CEP131: variants seen among roughly 807,000 people sequenced by gnomAD.
CEP131 encodes the protein centrosomal protein of 131 kDa.
A neutral mutation model predicts 136.8 loss-of-function variants in CEP131; 99 were observed. The ratio of observed to expected loss-of-function variants is 0.72; its 90% CI spans 0.62 to 0.86. CEP131 has a LOEUF of 0.86. Ranked by LOEUF, CEP131 falls within the 40% of genes least tolerant of loss-of-function variation. The pLI, the probability that CEP131 is intolerant of heterozygous loss-of-function variation, is 0.00. For missense variants in CEP131, 1,459 were observed against 1,463.0 expected, an observed-to-expected ratio of 1.00 and a Z score of 0.04; for synonymous variants, 646 against 612.7, an observed-to-expected ratio of 1.05 and a Z score of -0.80.
rs2062344079 is a variant in CEP131 at position 81,219,802 on chromosome 17, G to A, written c.177+78C>T. The stretch of plus-strand genomic sequence containing the variant: ...GAGGCACTTGTTCACCTGTGGAGCT[G>A]GACCCAGGGGTCAGATGCCAACTGA... On this transcript the variant is annotated intron_variant, in intron 2 of 25. Transcript: ENST00000450824. This position sits in a 1 kb window ranked among gnomAD's most constrained non-coding sequence, Gnocchi z 4.0. The A allele has an allele frequency of 2.1e-6, 3 of 1,403,574 alleles. No individual in the cohort carries two copies. The highest frequency in any genetic ancestry group is 2.8e-6 in the Non-Finnish European group (3 of 1,053,166). The allele number at this position is 1,403,574 out of a possible 1,614,324, so 86.9% of individuals were successfully genotyped here. A position where few individuals can be genotyped will look rare whatever the true frequency, so the allele number is the denominator to read the frequency against.
In CEP131 at chr17:81,215,069, G is replaced by A. The variant is rs1198144738; in HGVS notation, c.177+4811C>T. On this transcript the variant is annotated intron_variant, in intron 2 of 25. Transcript: ENST00000450824. The surrounding 1 kb of genome is among the most constrained non-coding windows in gnomAD (Gnocchi z 4.1). ...TGGGATTACAGGCATGAGCCACCGC[G>A]CCTGGCCAAAAATTTACAATTTAGT... 2.0e-5 allele frequency among the ~76,000 whole-genome samples: 3 copies of A among 149,188 alleles called. No individual in the cohort carries two copies. Among genetic ancestry groups the A allele is most frequent in the South Asian group, 2.1e-4 (1 of 4,680 alleles).
intron 17 of CEP131, 74 bp downstream of exon 17, chr17:81,194,796 T>C: frequency 8.2e-7 from 1 of 1,214,838 alleles, no homozygotes; most frequent in South Asian, 1.2e-5. Context: ...CCTGAAGTTA[T>C]GGCTCTCTCA....
chr17:81,192,712 G>A, intron 19 of CEP131, 24 bp downstream of exon 19: 1 of 1,516,100 alleles, frequency 6.6e-7, no homozygotes, highest in South Asian at 1.2e-5. Context: ...CCCTGGGAGA[G>A]GGCGTGGTGC....
Position 81,191,079 on chromosome 17 carries a change from T to C in CEP131, c.2771A>G (p.Lys924Arg), listed in dbSNP as rs79551267. The C allele has an allele frequency of 2.2e-3, 3,576 of 1,602,778 alleles. 73 individuals are homozygous for C. The African/African-American group carries it at 0.04, about 18-fold the overall frequency. ...GGCCTCGTACTTGTCCCGTAAGCGCTTGATGCTGGAGGTGGGGGGAGGGCA... is the reference window on the plus strand; with the variant it reads ...GGCCTCGTACTTGTCCCGTAAGCGCCTGATGCTGGAGGTGGGGGGAGGGCA... ...ESEKAAESRI[K>R]RLRDKYEAEL... The change falls in exon 23 of 26, where the codon AAG becomes AGG. Residue 924 changes from lysine (K) to arginine (R), a missense_variant. By Grantham distance (26) the Lys-to-Arg change is conservative. Coordinates refer to ENST00000450824, the MANE Select transcript of CEP131 (RefSeq NM_014984.4).
intron 24 of CEP131, 118 bp downstream of exon 24, chr17:81,190,521 C>G: frequency 7.7e-7 from 1 of 1,295,544 alleles, no homozygotes; most frequent in Admixed American, 2.9e-5. Context: ...CTACAGGGCC[C>G]TGTCTCTGCA....
chr17:81,219,926 C>T lies in CEP131; in HGVS notation c.131G>A (p.Arg44His), dbSNP rs1272050920. 16 of 1,611,466 alleles carry T rather than the reference C, an allele frequency of 9.9e-6. No homozygotes were observed. Among genetic ancestry groups the T allele is most frequent in the East Asian group, 6.7e-5 (3 of 44,608 alleles). Residue 44 changes from arginine to histidine, a missense_variant, in exon 2 of 26, where the codon CGC becomes CAC. Arg to His is a conservative substitution (Grantham distance 29). Transcript: ENST00000450824. This position sits in a 1 kb window ranked among gnomAD's most constrained non-coding sequence, Gnocchi z 4.0. ...GSAATTKPIV[R>H]SVSVVTGSEQ... The stretch of plus-strand genomic sequence containing the variant: ...GCTGCCTGTGACCACGGAGACAGAG[C>T]GGACGATGGGCTTGGTGGTGGCGGC...
intron 20 of CEP131, 28 bp downstream of exon 20, chr17:81,192,448 G>A: frequency 6.2e-7 from 1 of 1,611,942 alleles, no homozygotes; most frequent in Non-Finnish European, 8.5e-7. Flanking sequence ...CCCCTGGCCA[G>A]GCCCAGCACA....
intron 1 of CEP131, 126 bp downstream of exon 1, chr17:81,222,643 C>A: frequency 6.6e-6 from 1 of 152,420 alleles, no homozygotes; most frequent in Non-Finnish European, 1.5e-5. Flanking sequence ...TCCCCCCACT[C>A]ACCTGTGCGT....
At chr17:81,214,799 A>G (rs951363050) in intron 2 of CEP131, among the ~76,000 whole-genome samples, 3 of 151,994 alleles carry the variant, frequency 2.0e-5, no homozygotes, top group Non-Finnish European at 2.9e-5. Context: ...TTGAGACGGA[A>G]TCTCGCTCTG....
chr17:81,195,077 G>A (rs2061725709), intron 16 of CEP131, 105 bp from the exon 17 acceptor site: 4 of 829,910 alleles, frequency 4.8e-6, no homozygotes, highest in Non-Finnish European at 7.9e-6. Context: ...ACCAGCACAA[G>A]GCCGGCACTC....
intron 13 of CEP131, chr17:81,197,433 G>T: frequency 1.8e-6 from 1 of 549,198 alleles, no homozygotes; most frequent in Non-Finnish European, 3.2e-6. Flanking sequence ...ATATGGGCTC[G>T]TGGAGGCAGC....
intron 2 of CEP131, among the ~76,000 whole-genome samples, chr17:81,213,684 G>A (rs141868675): frequency 1.1e-4 from 16 of 152,250 alleles, no homozygotes; most frequent in South Asian, 2.1e-4. Context: ...CCTTCCATGT[G>A]GGCTGAACAA....
intron 5 of CEP131, among the ~76,000 whole-genome samples, chr17:81,205,045 G>C (rs1431796065): frequency 6.6e-6 from 1 of 152,104 alleles, no homozygotes; most frequent in Non-Finnish European, 1.5e-5. Flanking sequence ...TGGATCACAA[G>C]GTTAGGGGTT....
At position 81,198,252 on chromosome 17, in the gene CEP131, C is replaced by T. The variant is rs764758077; in HGVS notation, c.1333G>A (p.Ala445Thr). 2 of 1,603,966 alleles carry T rather than the reference C, an allele frequency of 1.2e-6. No homozygotes were observed. Among genetic ancestry groups the T allele is most frequent in the South Asian group, 1.1e-5 (1 of 89,446 alleles). Residue 445 changes from alanine to threonine, a missense_variant, in exon 12 of 26, where the codon GCC (alanine) becomes ACC (threonine). Transcript: ENST00000450824. ...GACTTGGCGCTCCCCCTGCTCGGGG[C>T]CATCATCTCCAGGTTGTCCCCAGCT... The part of the protein sequence containing the change: ...DAAGDNLEMM[A>T]PSRGSAKSRG...
At position 81,196,750 on chromosome 17, in the gene CEP131, C is replaced by G; in HGVS notation, c.1850G>C (p.Arg617Thr). 1 of 1,601,384 alleles carries G rather than the reference C, an allele frequency of 6.2e-7. No homozygotes were observed. The highest frequency in any genetic ancestry group is 8.5e-7 in the Non-Finnish European group (1 of 1,176,046). ...CTGGATGGTGGCCTCGTAGTGCTCC[C>G]TCTGCCGCTGCAGCTGCCGGCTCAG... Reference protein sequence around the residue: ...KALSRQLQRQREHYEATIQRH... With the variant: ...KALSRQLQRQTEHYEATIQRH... The change falls in exon 15 of 26, where the codon AGG (arginine) becomes ACG (threonine). Residue 617 changes from arginine to threonine, a missense_variant. By Grantham distance (71) the Arg-to-Thr change is moderately conservative. Around this residue, in one of 3 missense-constraint regions of CEP131, gnomAD observed 1,026 missense variants for 964.2 expected, o/e 1.06. Coordinates refer to ENST00000450824, the MANE Select transcript of CEP131 (RefSeq NM_014984.4).
Position 81,189,725 on chromosome 17 carries a change from G to A in CEP131, c.*44C>T, listed in dbSNP as rs1179195394. On this transcript the variant is annotated 3_prime_UTR_variant, in exon 26 of 26. Transcript: ENST00000450824. ...GCCTCTGGGCCCACGTCCAGCCTCT[G>A]TCCTCTGCCTTCCGTTCTTCGACAG... The A allele has an allele frequency of 1.9e-6, 3 of 1,550,848 alleles. No individual in the cohort carries two copies. Among genetic ancestry groups the A allele is most frequent in the Non-Finnish European group, 8.7e-7 (1 of 1,144,844 alleles).
At position 81,206,012 on chromosome 17, in the gene CEP131, C is replaced by T. The variant is rs148005931; in HGVS notation, c.515+732G>A. On this transcript the variant is annotated intron_variant, in intron 5 of 25. Transcript: ENST00000450824. ...TGAGGTCAGGAGATCGAGACCATCC[C>T]GGCCAACATGGTGAAACCCTGTCTC... is the stretch of plus-strand genomic sequence containing the variant. Among the ~76,000 whole-genome samples the T allele has an allele frequency of 4.3e-4, 66 of 152,164 alleles. 1 individual carries two copies. The East Asian group carries it at 0.01, about 24-fold the overall frequency.
At chr17:81,201,500 T>C (rs969313186) in intron 7 of CEP131, among the ~76,000 whole-genome samples, 2 of 152,134 alleles carry the variant, frequency 1.3e-5, no homozygotes, top group Non-Finnish European at 2.9e-5. Context: ...CCCTGGAGCT[T>C]TGGGTGTTGT....
chr17:81,192,685 G>GGGGGGGGGGGGGGGCCCCC, intron 19 of CEP131, 51 bp downstream of exon 19: 6 of 478,422 alleles, frequency 1.3e-5, no homozygotes, highest in Non-Finnish European at 2.0e-5. Flanking sequence ...GGGGGGAGGG[G>GGGGGGGGGGGGGGGCCCCC]TCAGCCAGCG....
Sources: gnomAD v4.1 joint callset for allele counts (sites outside exome capture counted in the v4.1 genomes callset) on GRCh38, gnomAD v4.1.1 for gene constraint, gnomAD v4.1.1 regional missense constraint, Gnocchi (gnomAD v3.1) non-coding constraint, MANE v1.5 for transcripts, NCBI Gene and HGNC (gene_info 2026-07-23, HGNC 2026-07-21) for gene names.